Variants in PPP3CA observed in about 807,000 individuals in gnomAD.
PPP3CA encodes the protein protein phosphatase 3 catalytic subunit alpha.
PPP3CA carries 14 observed loss-of-function variants against 66.5 expected under a neutral mutation model. The observed-to-expected ratio is 0.21, with a 90% CI of 0.14 to 0.33. The LOEUF is 0.33. Ranked by LOEUF, PPP3CA falls within the 10% of genes least tolerant of loss-of-function variation. The pLI is 1.00. For synonymous variants in PPP3CA, 232 were observed against 226.2 expected (o/e 1.03, Z -0.23); for missense variants, 317 against 639.5 (o/e 0.50, Z 5.44).
intron 1 of PPP3CA, among the ~76,000 whole-genome samples, chr4:101,234,772 G>A (rs79653078): frequency 2.0e-3 from 297 of 151,844 alleles, no homozygotes; most frequent in African/African-American, 7.0e-3. Flanking sequence ...CAGGCTCAAA[G>A]TAAAAGACGT....
intron 1 of PPP3CA, among the ~76,000 whole-genome samples, chr4:101,210,441 A>C (rs1239687064): frequency 6.6e-6 from 1 of 152,200 alleles, no homozygotes; most frequent in East Asian, 1.9e-4. Flanking sequence ...CTATAGCTGA[A>C]GATTAAACAA....
chr4:101,327,364 C>T (rs1729239708), intron 1 of PPP3CA, among the ~76,000 whole-genome samples: 1 of 151,968 alleles, frequency 6.6e-6, no homozygotes, highest in Admixed American at 6.6e-5. Flanking sequence ...CTCTCATTAG[C>T]TCAAGGAAGA....
intron 1 of PPP3CA, among the ~76,000 whole-genome samples, chr4:101,234,589 T>A (rs887376269): frequency 9.2e-5 from 14 of 151,784 alleles, no homozygotes; most frequent in African/African-American, 3.4e-4. Flanking sequence ...TTTTTTTTCT[T>A]GTAAATCGGG....
chr4:101,135,000 A>G (rs1281955209), intron 2 of PPP3CA, among the ~76,000 whole-genome samples: 1 of 152,164 alleles, frequency 6.6e-6, no homozygotes, highest in Non-Finnish European at 1.5e-5. Flanking sequence ...GTTCTCACTC[A>G]TAAGTGGGAA....
chr4:101,188,126 G>A (rs181418532), intron 2 of PPP3CA, among the ~76,000 whole-genome samples: 5 of 152,184 alleles, frequency 3.3e-5, no homozygotes, highest in African/African-American at 1.2e-4. Flanking sequence ...TCAGGTTCAT[G>A]AATTCCAAGT....
intron 12 of PPP3CA, among the ~76,000 whole-genome samples, chr4:101,031,485 A>G (rs953915332): frequency 1.1e-4 from 17 of 152,196 alleles, no homozygotes; most frequent in African/African-American, 3.9e-4. Flanking sequence ...CTGTGCTGCT[A>G]ACATGGTAGC....
At chr4:101,074,594 T>A (rs1268029161) in intron 8 of PPP3CA, among the ~76,000 whole-genome samples, 2 of 152,186 alleles carry the variant, frequency 1.3e-5, no homozygotes, top group Admixed American at 1.3e-4. Context: ...TGTTGGTTCA[T>A]TACAGCAGCA....
chr4:101,150,523 T>C (rs576577825), intron 2 of PPP3CA, among the ~76,000 whole-genome samples: 16 of 152,328 alleles, frequency 1.1e-4, no homozygotes, highest in African/African-American at 3.8e-4. Context: ...TTAAACTGCT[T>C]TGAGAATAAG....
intron 1 of PPP3CA, among the ~76,000 whole-genome samples, chr4:101,198,441 G>C (rs947748364): frequency 6.6e-6 from 1 of 152,178 alleles, no homozygotes; most frequent in Admixed American, 6.5e-5. Context: ...GTAAGGGCAA[G>C]AGCTGAATTT....
intron 10 of PPP3CA, among the ~76,000 whole-genome samples, chr4:101,044,668 T>C (rs1315654745): frequency 6.6e-6 from 1 of 152,178 alleles, no homozygotes; most frequent in African/African-American, 2.4e-5. Flanking sequence ...TAAGTTCTGA[T>C]CTTCTTTTAT....
chr4:101,172,199 A>G (rs1723906408), intron 2 of PPP3CA, among the ~76,000 whole-genome samples: 1 of 152,180 alleles, frequency 6.6e-6, no homozygotes, highest in African/African-American at 2.4e-5. Context: ...AATCCTCAAC[A>G]TGAGTATGTC....
intron 1 of PPP3CA, among the ~76,000 whole-genome samples, chr4:101,314,972 T>G (rs1246046536): frequency 6.6e-6 from 1 of 152,226 alleles, no homozygotes; most frequent in Non-Finnish European, 1.5e-5. Flanking sequence ...TATAATTTTT[T>G]CATTAAATAC....
At chr4:101,161,000 A>T (rs1466210014) in intron 2 of PPP3CA, among the ~76,000 whole-genome samples, 3 of 152,158 alleles carry the variant, frequency 2.0e-5, no homozygotes, top group African/African-American at 7.2e-5. Flanking sequence ...GGCCAAGGAC[A>T]TGCTGCCTAC....
chr4:101,137,610 T>C (rs1287620048), intron 2 of PPP3CA, among the ~76,000 whole-genome samples: 1 of 152,138 alleles, frequency 6.6e-6, no homozygotes, highest in East Asian at 1.9e-4. Flanking sequence ...AAGGGTAGGC[T>C]GATGTCCTTT....
At chr4:101,341,422 C>A (rs1331718067) in intron 1 of PPP3CA, among the ~76,000 whole-genome samples, 1 of 152,094 alleles carries the variant, frequency 6.6e-6, no homozygotes, top group East Asian at 1.9e-4. Context: ...ACTTCTTTAA[C>A]TATAAAAATA....
intron 10 of PPP3CA, among the ~76,000 whole-genome samples, chr4:101,054,157 TC>T (rs2110220060): frequency 6.6e-6 from 1 of 150,978 alleles, no homozygotes. Context: ...ATTAATATAT[TC>T]CCCCTAAACT....
chr4:101,275,734 T>C (rs1385816801), intron 1 of PPP3CA, among the ~76,000 whole-genome samples: 1 of 152,182 alleles, frequency 6.6e-6, no homozygotes, highest in Non-Finnish European at 1.5e-5. Flanking sequence ...TACCTATTCC[T>C]CTATTTAACT....
chr4:101,035,058 G>A (rs1318814011), intron 11 of PPP3CA, among the ~76,000 whole-genome samples: 1 of 152,074 alleles, frequency 6.6e-6, no homozygotes, highest in Non-Finnish European at 1.5e-5. Flanking sequence ...TTGAGACCAG[G>A]AGTTTGAGAC....
intron 5 of PPP3CA, among the ~76,000 whole-genome samples, chr4:101,094,684 G>A (rs1232065819): frequency 6.6e-6 from 1 of 152,088 alleles, no homozygotes; most frequent in African/African-American, 2.4e-5. Context: ...CAATTTTCCA[G>A]CTATAAATGT....
Sources: gnomAD v4.1 joint callset for allele counts (sites outside exome capture counted in the v4.1 genomes callset) on GRCh38, gnomAD v4.1.1 for gene constraint, MANE v1.5 for transcripts, NCBI Gene and HGNC (gene_info 2026-07-23, HGNC 2026-07-21) for gene names.